Variants in GALNT13 observed in about 807,000 individuals in gnomAD.
GALNT13 encodes the protein polypeptide N-acetylgalactosaminyltransferase 13.
Under a neutral mutation model 64.2 loss-of-function variants are expected in GALNT13, and 28 were observed. The ratio of observed to expected loss-of-function variants is 0.44; its 90% CI spans 0.32 to 0.60. The LOEUF is 0.60. GALNT13 is among the 20% of genes least tolerant of loss of function. GALNT13 has a pLI of 0.05. For missense variants in GALNT13, 577 were observed against 669.8 expected (o/e 0.86, Z 1.53); for synonymous variants, 214 against 224.6 (o/e 0.95, Z 0.42).
intron 3 of GALNT13, among the ~76,000 whole-genome samples, chr2:154,107,740 T>G (rs1175291899): frequency 6.6e-6 from 1 of 152,150 alleles, no homozygotes; most frequent in Non-Finnish European, 1.5e-5. Context: ...TTTCTACCCT[T>G]TGACCATCAA....
At chr2:153,970,589 A>G (rs1243989081) in intron 3 of GALNT13, among the ~76,000 whole-genome samples, 1 of 152,122 alleles carries the variant, frequency 6.6e-6, no homozygotes, top group East Asian at 1.9e-4. Context: ...TAGCCATGTT[A>G]TACTCCTCTC....
At chr2:153,142,879 A>G in the GALNT13 span, among the ~76,000 whole-genome samples, 1 of 151,948 alleles carries the variant, frequency 6.6e-6, no homozygotes, top group African/African-American at 2.4e-5. Flanking sequence ...ACTGGAAGGA[A>G]TGATGTTAAC....
chr2:153,949,156 A>G (rs1450300843), intron 3 of GALNT13, among the ~76,000 whole-genome samples: 2 of 152,084 alleles, frequency 1.3e-5, no homozygotes, highest in Non-Finnish European at 2.9e-5. Context: ...ATACAGCCTA[A>G]GTGTGCAGTA....
the GALNT13 span, among the ~76,000 whole-genome samples, chr2:153,715,022 C>A: frequency 6.6e-6 from 1 of 152,010 alleles, no homozygotes; most frequent in African/African-American, 2.4e-5. Context: ...TCTGAAGTAG[C>A]TCACTCTCTC....
At chr2:153,404,422 A>G in the GALNT13 span, among the ~76,000 whole-genome samples, 2 of 152,144 alleles carry the variant, frequency 1.3e-5, no homozygotes, top group African/African-American at 2.4e-5. Flanking sequence ...TTATGTGACA[A>G]GTGGTTTTCT....
the GALNT13 span, among the ~76,000 whole-genome samples, chr2:153,833,394 T>G: frequency 6.6e-6 from 1 of 152,142 alleles, no homozygotes; most frequent in Non-Finnish European, 1.5e-5. Context: ...ACAAATCTTC[T>G]ATTTAAAAGT....
At chr2:154,264,011 G>A (rs1035286494) in intron 8 of GALNT13, among the ~76,000 whole-genome samples, 3 of 152,242 alleles carry the variant, frequency 2.0e-5, no homozygotes, top group Non-Finnish European at 4.4e-5. Context: ...GATACTGACA[G>A]ACTCCATGAC....
At chr2:154,282,172 C>G in intron 8 of GALNT13, among the ~76,000 whole-genome samples, 1 of 152,032 alleles carries the variant, frequency 6.6e-6, no homozygotes, top group East Asian at 1.9e-4. Context: ...AAGGCTATGA[C>G]CTGAAAAATT....
intron 3 of GALNT13, among the ~76,000 whole-genome samples, chr2:153,947,246 AG>A (rs1691824037): frequency 6.6e-6 from 1 of 152,056 alleles, no homozygotes; most frequent in Admixed American, 6.6e-5. Context: ...TTGGGACATA[AG>A]GGAACAAGGC....
At chr2:154,328,912 C>CA (rs1198711379) in intron 9 of GALNT13, among the ~76,000 whole-genome samples, 2 of 152,144 alleles carry the variant, frequency 1.3e-5, no homozygotes, top group Non-Finnish European at 2.9e-5. Context: ...TTGTTCATGA[C>CA]ATTAAGCATC....
chr2:153,098,958 T>C, the GALNT13 span, among the ~76,000 whole-genome samples: 9 of 152,248 alleles, frequency 5.9e-5, no homozygotes, highest in African/African-American at 2.2e-4. Flanking sequence ...TCACTGTAAA[T>C]ATGATAAAAT....
intron 9 of GALNT13, among the ~76,000 whole-genome samples, chr2:154,340,103 A>G (rs1004267085): frequency 1.1e-4 from 16 of 152,266 alleles, no homozygotes; most frequent in African/African-American, 3.8e-4. Context: ...AGACTCTGAC[A>G]TTTCCTAAGA....
At chr2:154,072,233 T>C (rs1700773049) in intron 3 of GALNT13, among the ~76,000 whole-genome samples, 1 of 152,110 alleles carries the variant, frequency 6.6e-6, no homozygotes, top group Non-Finnish European at 1.5e-5. Context: ...TTATTCAGGA[T>C]TTTAAAGATG....
At chr2:153,435,049 G>A in the GALNT13 span, among the ~76,000 whole-genome samples, 1 of 152,084 alleles carries the variant, frequency 6.6e-6, no homozygotes, top group Non-Finnish European at 1.5e-5. Flanking sequence ...TCTACATATG[G>A]CTAGCCAGTT....
the GALNT13 span, among the ~76,000 whole-genome samples, chr2:153,509,816 C>T: frequency 6.6e-6 from 1 of 152,120 alleles, no homozygotes; most frequent in Non-Finnish European, 1.5e-5. Flanking sequence ...TTATGTTTGC[C>T]TCAGGGGATT....
the GALNT13 span, among the ~76,000 whole-genome samples, chr2:153,312,432 G>A: frequency 6.6e-6 from 1 of 152,176 alleles, no homozygotes; most frequent in Non-Finnish European, 1.5e-5. Context: ...TGAAAGAAAA[G>A]CCAAATCCAG....
At chr2:153,536,779 T>G in the GALNT13 span, among the ~76,000 whole-genome samples, 1 of 152,180 alleles carries the variant, frequency 6.6e-6, no homozygotes, top group South Asian at 2.1e-4. Flanking sequence ...AATTTTAAAA[T>G]AGTGTGCTAA....
chr2:154,295,858 T>C (rs932584492), intron 8 of GALNT13, among the ~76,000 whole-genome samples: 2 of 152,142 alleles, frequency 1.3e-5, no homozygotes, highest in Non-Finnish European at 2.9e-5. Flanking sequence ...GCAGGTCTTT[T>C]CTGATAAGTT....
At chr2:153,966,733 T>C (rs1295203790) in intron 3 of GALNT13, among the ~76,000 whole-genome samples, 1 of 152,062 alleles carries the variant, frequency 6.6e-6, no homozygotes, top group Non-Finnish European at 1.5e-5. Context: ...GGTAATCTTA[T>C]TTGTTTTGAA....
Sources: allele counts gnomAD v4.1 joint callset (sites outside exome capture counted in the v4.1 genomes callset), GRCh38; gene constraint gnomAD v4.1.1; transcripts MANE v1.5; gene names NCBI Gene and HGNC (gene_info 2026-07-23, HGNC 2026-07-21).